Variants in DLG2 observed in about 807,000 individuals in gnomAD.
DLG2 encodes discs large MAGUK scaffold protein 2.
DLG2 carries 45 observed loss-of-function variants against 132.5 expected under a neutral mutation model. The ratio of observed to expected loss-of-function variants is 0.34; its 90% CI spans 0.27 to 0.44. The LOEUF (loss-of-function observed/expected upper bound fraction) is 0.44. DLG2 is among the 20% of genes least tolerant of loss of function. DLG2 has a pLI of 1.00. For missense variants in DLG2, 1,045 were observed against 1,196.9 expected (o/e 0.87, Z 1.87); for synonymous variants, 424 against 419.6 (o/e 1.01, Z -0.13).
intron 6 of DLG2, among the ~76,000 whole-genome samples, chr11:84,926,623 T>A (rs1311399965): frequency 6.6e-6 from 1 of 151,716 alleles, no homozygotes; most frequent in Non-Finnish European, 1.5e-5. Flanking sequence ...GTGTGAAATT[T>A]TAACAGTGTT....
chr11:84,031,508 G>C (rs1165794674), intron 11 of DLG2, among the ~76,000 whole-genome samples: 1 of 152,140 alleles, frequency 6.6e-6, no homozygotes, highest in Non-Finnish European at 1.5e-5. Flanking sequence ...GGGTTTGTGA[G>C]AAGGCAGAGA....
chr11:83,629,544 T>C (rs2063211481), intron 19 of DLG2, among the ~76,000 whole-genome samples: 1 of 152,182 alleles, frequency 6.6e-6, no homozygotes, highest in African/African-American at 2.4e-5. Context: ...CAAAGGATTG[T>C]TCTTTAGAAA....
At position 84,028,370 on chromosome 11, in the gene DLG2, C is replaced by A. The variant is rs148797179; in HGVS notation, c.919+30945G>T. 2.6e-4 allele frequency among the ~76,000 whole-genome samples: 39 copies of A among 152,134 alleles called. 1 individual carries two copies. The East Asian group carries it at 7.0e-3, about 27-fold the overall frequency. On this transcript the variant is annotated intron_variant, in intron 11 of 27. Transcript: ENST00000376104. ...ATGAATTTTGACTATTTGGCTTGCT[C>A]ATGATTAATCACAGGAAAGAAAACA...
chr11:84,812,815 T>C (rs1219762640), intron 6 of DLG2, among the ~76,000 whole-genome samples: 20 of 152,128 alleles, frequency 1.3e-4, no homozygotes, highest in Non-Finnish European at 2.1e-4. Context: ...CATTTATGAT[T>C]GGGTTAAGAA....
chr11:83,644,193 G>A (rs1249489494), intron 18 of DLG2, among the ~76,000 whole-genome samples: 1 of 152,010 alleles, frequency 6.6e-6, no homozygotes, highest in Non-Finnish European at 1.5e-5. Context: ...TTATCTGTAA[G>A]TACTTGCTTA....
At chr11:84,204,485 C>T (rs1020381300) in intron 8 of DLG2, among the ~76,000 whole-genome samples, 8 of 151,874 alleles carry the variant, frequency 5.3e-5, no homozygotes, top group African/African-American at 1.4e-4. Context: ...AGATAAAATA[C>T]TACAAAATAT....
chr11:83,488,378 T>C (rs1333145287), intron 21 of DLG2, among the ~76,000 whole-genome samples: 1 of 151,992 alleles, frequency 6.6e-6, no homozygotes, highest in Non-Finnish European at 1.5e-5. Context: ...TTAGGTCAAA[T>C]GGCATGAAAT....
At chr11:84,092,848 C>T (rs2097112641) in intron 10 of DLG2, among the ~76,000 whole-genome samples, 2 of 151,914 alleles carry the variant, frequency 1.3e-5, no homozygotes, top group South Asian at 2.1e-4. Flanking sequence ...CAAGCCTGGC[C>T]AACATGGTGA....
At chr11:83,903,565 G>T (rs1207695591) in intron 15 of DLG2, among the ~76,000 whole-genome samples, 1 of 152,102 alleles carries the variant, frequency 6.6e-6, no homozygotes, top group East Asian at 1.9e-4. Context: ...GTAAACCTTT[G>T]CAATCAGGCT....
chr11:83,652,610 G>A (rs1244142739), intron 18 of DLG2, among the ~76,000 whole-genome samples: 1 of 152,174 alleles, frequency 6.6e-6, no homozygotes, highest in African/African-American at 2.4e-5. Flanking sequence ...GGCTTCAAAT[G>A]ATCTGCCTGC....
intron 3 of DLG2, among the ~76,000 whole-genome samples, chr11:85,481,912 C>A (rs969214337): frequency 6.6e-6 from 1 of 152,134 alleles, no homozygotes; most frequent in African/African-American, 2.4e-5. Context: ...AGCTTCCAAA[C>A]CTGCCCCAAC....
At chr11:84,000,858 G>A (rs1419039976) in intron 11 of DLG2, among the ~76,000 whole-genome samples, 1 of 151,882 alleles carries the variant, frequency 6.6e-6, no homozygotes, top group Non-Finnish European at 1.5e-5. Flanking sequence ...AATGCTCAAG[G>A]GAGTCCTAAA....
At chr11:84,267,858 TAGC>T (rs1034893660) in intron 7 of DLG2, among the ~76,000 whole-genome samples, 1 of 152,212 alleles carries the variant, frequency 6.6e-6, no homozygotes, top group African/African-American at 2.4e-5. Context: ...AGGCCACACA[TAGC>T]AGGGACAATT....
chr11:84,116,567 C>A (rs764573104), intron 9 of DLG2, among the ~76,000 whole-genome samples: 4 of 152,142 alleles, frequency 2.6e-5, no homozygotes, highest in Non-Finnish European at 4.4e-5. Context: ...TATTCACTAT[C>A]AGGAGAACGA....
chr11:85,386,455 C>T (rs1366723181), intron 3 of DLG2, among the ~76,000 whole-genome samples: 1 of 152,106 alleles, frequency 6.6e-6, no homozygotes, highest in East Asian at 1.9e-4. Context: ...TTCTGACGTG[C>T]TTTTCTGATT....
At chr11:84,946,568 C>G (rs796589260) in intron 6 of DLG2, among the ~76,000 whole-genome samples, 3 of 152,028 alleles carry the variant, frequency 2.0e-5, no homozygotes, top group African/African-American at 7.2e-5. Context: ...TTATATAGTT[C>G]TGGAGCTGGT....
At chr11:84,717,818 A>T (rs1016172794) in intron 6 of DLG2, among the ~76,000 whole-genome samples, 2 of 152,096 alleles carry the variant, frequency 1.3e-5, no homozygotes, top group African/African-American at 2.4e-5. Context: ...TATACATAGT[A>T]AGTACTGCAT....
intron 7 of DLG2, among the ~76,000 whole-genome samples, chr11:84,510,945 G>A (rs1007373499): frequency 3.3e-5 from 5 of 152,042 alleles, no homozygotes; most frequent in African/African-American, 1.2e-4. Flanking sequence ...GGGCTCCAAA[G>A]CCGAAAGAGG....
chr11:85,183,097 CCAA>C (rs1172686375), intron 4 of DLG2, among the ~76,000 whole-genome samples: 1 of 151,764 alleles, frequency 6.6e-6, no homozygotes, highest in Non-Finnish European at 1.5e-5. Context: ...CCAGTCCTGA[CCAA>C]GCTTAGCAGA....
Sources: allele counts gnomAD v4.1 joint callset (sites outside exome capture counted in the v4.1 genomes callset), GRCh38; gene constraint gnomAD v4.1.1; transcripts MANE v1.5; gene names NCBI Gene and HGNC (gene_info 2026-07-23, HGNC 2026-07-21).